Variants in MEIS2 observed in about 807,000 individuals in gnomAD.
The protein encoded by MEIS2 is homeobox protein Meis2.
Under a neutral mutation model 58.6 loss-of-function variants are expected in MEIS2, and 9 were observed. The observed-to-expected ratio is 0.15, with a 90% CI of 0.09 to 0.27. The LOEUF (loss-of-function observed/expected upper bound fraction) is 0.27. Among genes scored for constraint, MEIS2 ranks in the 10% least tolerant of loss-of-function variants. The pLI, the probability that MEIS2 is intolerant of heterozygous loss-of-function variation, is 1.00. For missense variants in MEIS2, 427 were observed against 635.0 expected (o/e 0.67, Z 3.52); for synonymous variants, 221 against 228.4 (o/e 0.97, Z 0.29).
At chr15:37,080,874 T>G (rs1360995305) in intron 7 of MEIS2, among the ~76,000 whole-genome samples, 1 of 152,200 alleles carries the variant, frequency 6.6e-6, no homozygotes, top group Non-Finnish European at 1.5e-5. Context: ...CAAGTTTATT[T>G]CTTAAGATAT....
intron 9 of MEIS2, among the ~76,000 whole-genome samples, chr15:36,904,363 T>C (rs776454589): frequency 5.5e-5 from 8 of 146,546 alleles, no homozygotes; most frequent in Non-Finnish European, 9.0e-5. Flanking sequence ...TTAATTCAGC[T>C]TCTGTAAATG....
intron 7 of MEIS2, among the ~76,000 whole-genome samples, chr15:37,041,045 C>G (rs2062401687): frequency 6.6e-6 from 1 of 152,294 alleles, no homozygotes; most frequent in East Asian, 1.9e-4. Context: ...ATGAGGTTAG[C>G]AGCCACAGTG....
chr15:37,041,996 G>A (rs966938153), intron 7 of MEIS2, among the ~76,000 whole-genome samples: 3 of 152,056 alleles, frequency 2.0e-5, no homozygotes, highest in African/African-American at 7.2e-5. Flanking sequence ...GGGCAACATA[G>A]TGAGACCCTC....
intron 7 of MEIS2, among the ~76,000 whole-genome samples, chr15:37,060,034 C>T (rs1007065371): frequency 3.9e-5 from 6 of 152,120 alleles, no homozygotes; most frequent in African/African-American, 1.4e-4. Flanking sequence ...ATGATACGGT[C>T]CTCAAGTGAT....
chr15:36,939,150 C>T (rs1334447861), intron 9 of MEIS2, among the ~76,000 whole-genome samples: 2 of 152,186 alleles, frequency 1.3e-5, no homozygotes, highest in Non-Finnish European at 2.9e-5. Flanking sequence ...CTAATCTCCT[C>T]CAAGAAAATG....
rs569327846 is a variant in MEIS2, at chr15:37,057,819, G to C, written c.755-20860C>G. On this transcript the variant is annotated intron_variant, in intron 7 of 11. Transcript: ENST00000561208. ...AGAATGACAGACGACAGGGTAAAGAGAGTAATCAAGAAGCCGAGGCTTGTA... is the reference window on the plus strand; with the variant it reads ...AGAATGACAGACGACAGGGTAAAGACAGTAATCAAGAAGCCGAGGCTTGTA... 7.7e-4 allele frequency among the ~76,000 whole-genome samples: 117 copies of C among 152,226 alleles called. No individual in the cohort carries two copies. In the South Asian group the frequency reaches 0.02, roughly 27 times the overall value.
chr15:37,065,995 T>A (rs1889875537), intron 7 of MEIS2, among the ~76,000 whole-genome samples: 1 of 152,322 alleles, frequency 6.6e-6, no homozygotes, highest in South Asian at 2.1e-4. Flanking sequence ...ACAAGAGAAG[T>A]AGTCTCATTA....
chr15:37,055,745 T>C (rs1046513841), intron 7 of MEIS2, among the ~76,000 whole-genome samples: 2 of 152,198 alleles, frequency 1.3e-5, no homozygotes, highest in African/African-American at 4.8e-5. Flanking sequence ...GTCAGGTTTG[T>C]AATGCAACAA....
chr15:37,063,307 TGGC>T (rs1320003633), intron 7 of MEIS2, among the ~76,000 whole-genome samples: 2 of 152,190 alleles, frequency 1.3e-5, no homozygotes, highest in Non-Finnish European at 2.9e-5. Flanking sequence ...ATGGGATTAC[TGGC>T]GTGCACTACT....
chr15:36,969,607 G>A (rs1417178587), intron 8 of MEIS2, among the ~76,000 whole-genome samples: 1 of 152,164 alleles, frequency 6.6e-6, no homozygotes, highest in African/African-American at 2.4e-5. Context: ...CCTCTGTAGT[G>A]TATATGAAAA....
chr15:37,031,832 T>C (rs1359691712), intron 8 of MEIS2, among the ~76,000 whole-genome samples: 1 of 150,366 alleles, frequency 6.7e-6, no homozygotes, highest in Non-Finnish European at 1.5e-5. Flanking sequence ...TGTGTGTGTG[T>C]GTGTGTGTGT....
chr15:36,894,143 G>A (rs1416748658), intron 11 of MEIS2, among the ~76,000 whole-genome samples: 1 of 152,062 alleles, frequency 6.6e-6, no homozygotes, highest in Non-Finnish European at 1.5e-5. Context: ...TCTGTCTCAT[G>A]TCGGAAGTCA....
chr15:37,070,897 T>C (rs1450113602), intron 7 of MEIS2, among the ~76,000 whole-genome samples: 3 of 152,088 alleles, frequency 2.0e-5, no homozygotes, highest in African/African-American at 7.2e-5. Flanking sequence ...ATTTGAAATT[T>C]GCTTCTTCCC....
intron 8 of MEIS2, among the ~76,000 whole-genome samples, chr15:37,014,622 G>T (rs1286429511): frequency 1.3e-5 from 2 of 152,142 alleles, no homozygotes; most frequent in African/African-American, 4.8e-5. Context: ...GATTTCAATG[G>T]CTGATGACGG....
At chr15:37,067,950 C>G (rs1314440413) in intron 7 of MEIS2, among the ~76,000 whole-genome samples, 2 of 152,066 alleles carry the variant, frequency 1.3e-5, no homozygotes, top group Non-Finnish European at 2.9e-5. Context: ...ATATTATTAT[C>G]ACTTAATTGC....
At position 36,907,385 on chromosome 15, in the gene MEIS2, C is replaced by A. The variant is rs1305342964; in HGVS notation, c.978-10699G>T. ...TCTCTATTCTTCAACTCAGGCCAAACCACCCCAACACACCGGCAATCTAAA... is the reference window on the plus strand; with the variant it reads ...TCTCTATTCTTCAACTCAGGCCAAAACACCCCAACACACCGGCAATCTAAA... On this transcript the variant is annotated intron_variant, in intron 9 of 11. Transcript: ENST00000561208. Among the ~76,000 whole-genome samples, 5 of 152,178 alleles carry A rather than the reference C, an allele frequency of 3.3e-5. No homozygotes were observed. The South Asian group carries it at 1.0e-3, about 32-fold the overall frequency.
chr15:36,942,869 G>A (rs2058424264), intron 9 of MEIS2, among the ~76,000 whole-genome samples: 1 of 151,986 alleles, frequency 6.6e-6, no homozygotes, highest in Non-Finnish European at 1.5e-5. Flanking sequence ...AAAAATTAGA[G>A]AAAGTAAACA....
chr15:37,013,222 A>G (rs1290793773), intron 8 of MEIS2, among the ~76,000 whole-genome samples: 1 of 152,110 alleles, frequency 6.6e-6, no homozygotes, highest in East Asian at 1.9e-4. Flanking sequence ...GAAACGAGAG[A>G]GAAAGGATCT....
chr15:36,987,155 C>T (rs557658318), intron 8 of MEIS2, among the ~76,000 whole-genome samples: 3 of 152,024 alleles, frequency 2.0e-5, no homozygotes, highest in African/African-American at 7.2e-5. Flanking sequence ...CAGCTATAAT[C>T]CCAGAACTTT....
Sources: gnomAD v4.1 joint callset for allele counts (sites outside exome capture counted in the v4.1 genomes callset) on GRCh38, gnomAD v4.1.1 for gene constraint, MANE v1.5 for transcripts, NCBI Gene and HGNC (gene_info 2026-07-23, HGNC 2026-07-21) for gene names.